The following OR5B2 variants were observed in gnomAD, a reference collection of about 807,000 sequenced individuals.
OR5B2 encodes olfactory receptor family 5 subfamily B member 2.
For missense variants in OR5B2, 411 were observed against 367.0 expected (o/e 1.12, Z -0.98); for synonymous variants, 163 against 140.8 (o/e 1.16, Z -1.11).
chr11:58,422,370 C>A lies in OR5B2; in HGVS notation c.892G>T (p.Ala298Ser). ...TGCCTTCTCAACACTTTCTTGAATG[C>A]ATTCTGGACTTCTCTGTTCCTCAGG... is the stretch of plus-strand genomic sequence containing the variant. The part of the protein sequence containing the change: ...YSLRNREVQN[A>S]FKKVLRRQKF... The change falls in exon 3 of 3, where the codon GCA (alanine) becomes TCA (serine). Residue 298 changes from alanine to serine, a missense_variant. By Grantham distance (99) the Ala-to-Ser change is moderately conservative. Coordinates refer to ENST00000641342, the MANE Select transcript of OR5B2 (RefSeq NM_001005566.3). The A allele has an allele frequency of 6.2e-7, 1 of 1,611,358 alleles. No homozygotes were observed.
Position 58,423,078 on chromosome 11 carries a change from T to A in OR5B2, c.184A>T (p.Ser62Cys). ...CLHTPMYFFL[S>C]NLSLVDFGYS... ...CCAAAGTCCACCAGAGACAGGTTAC[T>A]GAGGAAAAAGTACATGGGGGTGTGG... Residue 62 changes from serine (S) to cysteine (C), a missense_variant, in exon 3 of 3, where the codon AGT (serine) becomes TGT (cysteine). Ser to Cys is a moderately radical substitution (Grantham distance 112, BLOSUM62 -1). Transcript: ENST00000641342. 3 of 1,613,692 alleles carry A rather than the reference T, an allele frequency of 1.9e-6. No individual in the cohort carries two copies. The highest frequency in any genetic ancestry group is 2.5e-6 in the Non-Finnish European group (3 of 1,179,786).
rs774640060 is a variant in OR5B2 at position 58,422,712 on chromosome 11, C to T, written c.550G>A (p.Ala184Thr). 2 of 1,613,734 alleles carry T rather than the reference C, an allele frequency of 1.2e-6. No homozygotes were observed. Among genetic ancestry groups the T allele is most frequent in the South Asian group, 2.2e-5 (2 of 91,084 alleles). ...HFFCDVPAVM[A>T]LSCSDKHTSE... ...GTGTGTTTATCAGAGCAAGACAGAG[C>T]CATGACTGCTGGAACATCACAGAAA... Residue 184 changes from alanine to threonine, a missense_variant, in exon 3 of 3, where the codon GCT (alanine) becomes ACT (threonine). Physicochemically the swap from Ala to Thr is moderately conservative, Grantham distance 58 (BLOSUM62 0). Coordinates refer to ENST00000641342, the MANE Select transcript of OR5B2 (RefSeq NM_001005566.3).
At chr11:58,423,558 ATGAC>A (rs570624034) in intron 2 of OR5B2, among the ~76,000 whole-genome samples, 158 of 152,224 alleles carry the variant, frequency 1.0e-3, no homozygotes, top group African/African-American at 3.5e-3. Flanking sequence ...TGTGTCCAAG[ATGAC>A]TCATCTGGAA....
Position 58,422,432 on chromosome 11 carries a change from G to C in OR5B2, c.830C>G (p.Ala277Gly). The C allele has an allele frequency of 6.2e-7, 1 of 1,613,622 alleles. No homozygotes were observed. The highest frequency in any genetic ancestry group is 1.1e-5 in the South Asian group (1 of 91,084). Residue 277 changes from alanine to glycine, a missense_variant, in exon 3 of 3, where the codon GCT (alanine) becomes GGT (glycine). Coordinates refer to ENST00000641342, the MANE Select transcript of OR5B2 (RefSeq NM_001005566.3). Reference protein sequence around the residue: ...DTDKMASVFYAMIIPMLNPVV... With the variant: ...DTDKMASVFYGMIIPMLNPVV... ...AGGGTTCAGCATGGGGATGATCATA[G>C]CATAGAACACAGATGCCATTTTGTC... is the stretch of plus-strand genomic sequence containing the variant.
chr11:58,426,662 T>G lies in OR5B2; in HGVS notation c.-69A>C, dbSNP rs1855341957. The stretch of plus-strand genomic sequence containing the variant: ...AGATGACACACTTTCAGTTGGTATC[T>G]TCAAATTGCAAGTCCTACTCAAAGA... On this transcript the variant is annotated 5_prime_UTR_variant, in exon 2 of 3. Transcript: ENST00000641342. The G allele has an allele frequency of 6.6e-6, 1 of 152,138 alleles. No homozygotes were observed. The highest frequency in any genetic ancestry group is 2.4e-5 in the African/African-American group (1 of 41,446). The allele number at this position is 152,138 out of a possible 1,614,324, so 9.4% of individuals were successfully genotyped here.
At chr11:58,427,934 T>C (rs1007858599) in intron 1 of OR5B2, 85 bp downstream of exon 1, 2 of 152,212 alleles carry the variant, frequency 1.3e-5, no homozygotes, top group African/African-American at 4.8e-5. Flanking sequence ...TGCTAACTCA[T>C]AGTGGGTTGC....
rs1855294017 is a variant in OR5B2, at chr11:58,422,847, C to A, written c.415G>T (p.Gly139Cys). 20 of 1,613,700 alleles carry A rather than the reference C, an allele frequency of 1.2e-5. No homozygotes were observed. Among genetic ancestry groups the A allele is most frequent in the Non-Finnish European group, 1.7e-5 (20 of 1,179,810 alleles). Residue 139 changes from glycine (G) to cysteine (C), a missense_variant, in exon 3 of 3, where the codon GGT (glycine) becomes TGT (cysteine). Coordinates refer to ENST00000641342, the MANE Select transcript of OR5B2 (RefSeq NM_001005566.3). ...TATGAGCCTAGGGCCAGACAGGCAC[C>A]TACACTGGCCGTCATGGTGGTGGTG... ...HYTTTMTASV[G>C]ACLALGSYVC... is the part of the protein sequence containing the mutation.
At position 58,422,154 on chromosome 11, in the gene OR5B2, G is replaced by A. The variant is rs930851908; in HGVS notation, c.*178C>T. On this transcript the variant is annotated 3_prime_UTR_variant, in exon 3 of 3. Coordinates refer to ENST00000641342, the MANE Select transcript of OR5B2 (RefSeq NM_001005566.3). ...TTTCCATTTAGCCTTCCTCATTCAGGTATTACATTTCTGATAATATTTTAT... is the reference window on the plus strand; with the variant it reads ...TTTCCATTTAGCCTTCCTCATTCAGATATTACATTTCTGATAATATTTTAT... 13 of 484,578 alleles carry A rather than the reference G, an allele frequency of 2.7e-5. No individual in the cohort carries two copies. The highest frequency in any genetic ancestry group is 4.4e-5 in the Non-Finnish European group (12 of 275,346). The allele number at this position is 484,578 out of a possible 1,614,324, so 30.0% of individuals were successfully genotyped here. A position where few individuals can be genotyped will look rare whatever the true frequency, so the allele number is the denominator to read the frequency against.
At position 58,422,536 on chromosome 11, in the gene OR5B2, G is replaced by A. The variant is rs764455575; in HGVS notation, c.726C>T (p.His242=). The A allele has an allele frequency of 6.2e-7, 1 of 1,613,834 alleles. No individual in the cohort carries two copies. Among genetic ancestry groups the A allele is most frequent in the Non-Finnish European group, 8.5e-7 (1 of 1,179,882 alleles). Residue 242 remains histidine, a synonymous_variant, in exon 3 of 3, where the codon CAC becomes CAT. Coordinates refer to ENST00000641342, the MANE Select transcript of OR5B2 (RefSeq NM_001005566.3). The stretch of plus-strand genomic sequence containing the variant: ...CATAGAAGACGGAGACTGCAGTGAA[G>A]TGAGAGGCACAGGTGGACAATGCTT... ...HQKALSTCAS[H]FTAVSVFYGT...
chr11:58,423,806 C>T (rs758136449), intron 2 of OR5B2, among the ~76,000 whole-genome samples: 1 of 152,140 alleles, frequency 6.6e-6, no homozygotes, highest in Non-Finnish European at 1.5e-5. Flanking sequence ...TCAGGAGAGT[C>T]GTTCTCAAGC....
rs548552902 is a variant in OR5B2 at position 58,424,089 on chromosome 11, C to G, written c.-28-800G>C. ...CTGCCTAGGCAGCATTGGTCCCACACTAACTTCCCTGAACCTTATTTATTT... is the reference window on the plus strand; with the variant it reads ...CTGCCTAGGCAGCATTGGTCCCACAGTAACTTCCCTGAACCTTATTTATTT... On this transcript the variant is annotated intron_variant, in intron 2 of 2. Transcript: ENST00000641342. Among the ~76,000 whole-genome samples, 22 of 152,288 alleles carry G rather than the reference C, an allele frequency of 1.4e-4. No individual in the cohort carries two copies. The East Asian group carries it at 3.7e-3, about 25-fold the overall frequency.
Position 58,421,607 on chromosome 11 carries a change from G to A in OR5B2, c.*725C>T, listed in dbSNP as rs993104593. On this transcript the variant is annotated 3_prime_UTR_variant, in exon 3 of 3. Transcript: ENST00000641342. Reference sequence around the variant, plus strand: ...CAATATGATACTATAATGATAAATAGATGTCATTATACATTTATTCAAATC... The same window carrying A: ...CAATATGATACTATAATGATAAATAAATGTCATTATACATTTATTCAAATC... The A allele has an allele frequency of 3.3e-5, 5 of 152,118 alleles. No homozygotes were observed. Among genetic ancestry groups the A allele is most frequent in the African/African-American group, 1.2e-4 (5 of 41,450 alleles). The allele number at this position is 152,118 out of a possible 1,614,324, so 9.4% of individuals were successfully genotyped here.
chr11:58,422,171 A>G lies in OR5B2; in HGVS notation c.*161T>C, dbSNP rs1374363707. 1 of 498,226 alleles carries G rather than the reference A, an allele frequency of 2.0e-6. No homozygotes were observed. Among genetic ancestry groups the G allele is most frequent in the African/African-American group, 1.9e-5 (1 of 52,048 alleles). 30.9% of individuals were successfully genotyped at this position (498,226 alleles called of 1,614,324 possible). Reference sequence around the variant, plus strand: ...TCATTCAGGTATTACATTTCTGATAATATTTTATTTTTATTAAAAAATTGA... The same window carrying G: ...TCATTCAGGTATTACATTTCTGATAGTATTTTATTTTTATTAAAAAATTGA... On this transcript the variant is annotated 3_prime_UTR_variant, in exon 3 of 3. Coordinates refer to ENST00000641342, the MANE Select transcript of OR5B2 (RefSeq NM_001005566.3).
chr11:58,422,906 T>TC lies in OR5B2; in HGVS notation c.355dup (p.Asp119GlyfsTer50). ...GGGTTTGCACACTGCTGCATAGCGG[T>TC]CATAGGCCATTGAGGCCAACAAGTA... On this transcript the variant is annotated frameshift_variant, in exon 3 of 3. Coordinates refer to ENST00000641342, the MANE Select transcript of OR5B2 (RefSeq NM_001005566.3). LOFTEE classifies it low-confidence loss of function (END_TRUNC). 1 of 1,613,704 alleles carries TC rather than the reference T, an allele frequency of 6.2e-7. No homozygotes were observed. The highest frequency in any genetic ancestry group is 1.7e-5 in the Admixed American group (1 of 59,898).
In OR5B2 at chr11:58,421,742, G is replaced by A. The variant is rs1435506884; in HGVS notation, c.*590C>T. The A allele has an allele frequency of 6.6e-6, 1 of 152,108 alleles. No individual in the cohort carries two copies. The highest frequency in any genetic ancestry group is 1.5e-5 in the Non-Finnish European group (1 of 68,014). 9.4% of individuals were successfully genotyped at this position (152,108 alleles called of 1,614,324 possible). ...TTGTAAAAAATGTAGCACTCTGTTG[G>A]AGGATATTGACAATGAGGGAGGGTA... On this transcript the variant is annotated 3_prime_UTR_variant, in exon 3 of 3. Coordinates refer to ENST00000641342, the MANE Select transcript of OR5B2 (RefSeq NM_001005566.3).
In OR5B2 at chr11:58,422,601, T is replaced by A; in HGVS notation, c.661A>T (p.Ile221Phe). ...VIFISYLFIF[I>F]TILKMHSAKG... The stretch of plus-strand genomic sequence containing the variant: ...GCTGAATGCATCTTCAAGATGGTGA[T>A]GAATATGAACAAGTAGGAGATAAAG... Residue 221 changes from isoleucine to phenylalanine, a missense_variant, in exon 3 of 3, where the codon ATC becomes TTC. Transcript: ENST00000641342. 1 of 1,613,632 alleles carries A rather than the reference T, an allele frequency of 6.2e-7. No homozygotes were observed. Among genetic ancestry groups the A allele is most frequent in the Non-Finnish European group, 8.5e-7 (1 of 1,179,806 alleles).
In OR5B2 at chr11:58,422,684, C is replaced by T. The variant is rs775133520; in HGVS notation, c.578G>A (p.Ser193Asn). 6 of 1,613,594 alleles carry T rather than the reference C, an allele frequency of 3.7e-6. No individual in the cohort carries two copies. Among genetic ancestry groups the T allele is most frequent in the African/African-American group, 1.3e-5 (1 of 74,972 alleles). Residue 193 changes from serine (S) to asparagine (N), a missense_variant, in exon 3 of 3, where the codon AGT becomes AAT. Physicochemically the swap from Ser to Asn is conservative, Grantham distance 46 (BLOSUM62 1). Coordinates refer to ENST00000641342, the MANE Select transcript of OR5B2 (RefSeq NM_001005566.3). ...TGACATAAAAACCAGAATCACCTCA[C>T]TAGTGTGTTTATCAGAGCAAGACAG... The part of the protein sequence containing the change: ...MALSCSDKHT[S>N]EVILVFMSSF...
Position 58,422,260 on chromosome 11 carries a change from T to C in OR5B2, c.*72A>G. On this transcript the variant is annotated 3_prime_UTR_variant, in exon 3 of 3. Coordinates refer to ENST00000641342, the MANE Select transcript of OR5B2 (RefSeq NM_001005566.3). ...TGTATTGTGGGGTTTCAAATGTAAC[T>C]CATTGCATGAGGAAAGTCTGAGATG... is the stretch of plus-strand genomic sequence containing the variant. The C allele has an allele frequency of 1.1e-6, 1 of 884,908 alleles. No homozygotes were observed. The highest frequency in any genetic ancestry group is 1.8e-6 in the Non-Finnish European group (1 of 552,740). The allele number at this position is 884,908 out of a possible 1,614,324, so 54.8% of individuals were successfully genotyped here. A position where few individuals can be genotyped will look rare whatever the true frequency, so the allele number is the denominator to read the frequency against.
intron 2 of OR5B2, among the ~76,000 whole-genome samples, chr11:58,424,872 CAT>C (rs1384895909): frequency 6.6e-6 from 1 of 151,954 alleles, no homozygotes; most frequent in African/African-American, 2.4e-5. Flanking sequence ...TAAACGTTTA[CAT>C]GTGTGTGTTT....
Sources: allele counts gnomAD v4.1 joint callset (sites outside exome capture counted in the v4.1 genomes callset), GRCh38; gene constraint gnomAD v4.1.1; transcripts MANE v1.5; gene names NCBI Gene and HGNC (gene_info 2026-07-23, HGNC 2026-07-21).